MTHFD1L: variants seen among roughly 807,000 people sequenced by gnomAD.
MTHFD1L encodes the protein methylenetetrahydrofolate dehydrogenase (NADP+ dependent) 1 like, also known as monofunctional C1-tetrahydrofolate synthase, mitochondrial.
Under a neutral mutation model 119.5 loss-of-function variants are expected in MTHFD1L, and 81 were observed. The ratio of observed to expected loss-of-function variants is 0.68; its 90% CI spans 0.57 to 0.82. MTHFD1L has a LOEUF of 0.82. Ranked by LOEUF, MTHFD1L falls within the 40% of genes least tolerant of loss-of-function variation. The pLI, the probability that MTHFD1L is intolerant of heterozygous loss-of-function variation, is 0.00. For synonymous variants in MTHFD1L, 430 were observed against 475.2 expected, an observed-to-expected ratio of 0.90 and a Z score of 1.24; for missense variants, 1,125 against 1,253.4, an observed-to-expected ratio of 0.90 and a Z score of 1.55.
At chr6:150,953,459 C>T (rs1402763403) in intron 16 of MTHFD1L, among the ~76,000 whole-genome samples, 2 of 152,208 alleles carry the variant, frequency 1.3e-5, no homozygotes, top group Non-Finnish European at 2.9e-5. Flanking sequence ...GTACAGCTGG[C>T]TCGGGACTAG....
At chr6:150,869,319 C>T (rs375610882) in intron 1 of MTHFD1L, among the ~76,000 whole-genome samples, 12 of 152,204 alleles carry the variant, frequency 7.9e-5, no homozygotes, top group African/African-American at 2.9e-4. Flanking sequence ...AATGCTCTCC[C>T]TCCTCTTGCC....
chr6:150,880,773 C>T (rs1003419588), intron 4 of MTHFD1L, among the ~76,000 whole-genome samples: 5 of 152,124 alleles, frequency 3.3e-5, no homozygotes, highest in Non-Finnish European at 7.4e-5. Flanking sequence ...TTGTTATTGT[C>T]ATTTTTGATA....
In MTHFD1L at chr6:150,865,784, CG is replaced by C; in HGVS notation, c.-38del. 7.8e-7 allele frequency: 1 copy of C among 1,279,582 alleles called. No individual in the cohort carries two copies. Among genetic ancestry groups the C allele is most frequent in the Non-Finnish European group, 9.9e-7 (1 of 1,007,114 alleles). The allele number at this position is 1,279,582 out of a possible 1,614,324, so 79.3% of individuals were successfully genotyped here. On this transcript the variant is annotated 5_prime_UTR_variant, in exon 1 of 28. Transcript: ENST00000367321. The stretch of plus-strand genomic sequence containing the variant: ...CACGCGCCCCGCCGCCCTCGGCAGC[CG>C]CAGCTCCGTGTCCCCTGAGAACCAG...
At chr6:151,023,024 G>T (rs1444548156) in intron 24 of MTHFD1L, among the ~76,000 whole-genome samples, 2 of 146,584 alleles carry the variant, frequency 1.4e-5, no homozygotes, top group Middle Eastern at 3.6e-3. Context: ...TTTTTTGTTT[G>T]TTGGTTGGTT....
chr6:150,898,368 G>A (rs1178414194), intron 7 of MTHFD1L, among the ~76,000 whole-genome samples: 1 of 152,178 alleles, frequency 6.6e-6, no homozygotes, highest in Admixed American at 6.5e-5. Context: ...TCCACTCATG[G>A]TGCTCTCCCC....
At chr6:150,909,478 A>G (rs1233195368) in intron 8 of MTHFD1L, among the ~76,000 whole-genome samples, 1 of 152,080 alleles carries the variant, frequency 6.6e-6, no homozygotes, top group Non-Finnish European at 1.5e-5. Context: ...CCCGGCCTCA[A>G]ATAGTCCTCC....
At chr6:150,872,182 G>A (rs1314804230) in intron 1 of MTHFD1L, among the ~76,000 whole-genome samples, 1 of 151,960 alleles carries the variant, frequency 6.6e-6, no homozygotes, top group Non-Finnish European at 1.5e-5. Flanking sequence ...GGCCTAATAA[G>A]GCTGTTTTCT....
chr6:150,885,127 G>A (rs181659927), intron 5 of MTHFD1L, among the ~76,000 whole-genome samples: 70 of 152,130 alleles, frequency 4.6e-4, no homozygotes, highest in African/African-American at 1.5e-3. Context: ...CTAAGGTACT[G>A]CCTTAGAATT....
At chr6:151,020,044 A>G (rs1193212694) in intron 24 of MTHFD1L, among the ~76,000 whole-genome samples, 1 of 152,230 alleles carries the variant, frequency 6.6e-6, no homozygotes, top group Non-Finnish European at 1.5e-5. Flanking sequence ...AATGCTTTGC[A>G]TATGACACTC....
intron 18 of MTHFD1L, among the ~76,000 whole-genome samples, chr6:150,964,060 T>C (rs1202544138): frequency 6.6e-6 from 1 of 152,118 alleles, no homozygotes; most frequent in Admixed American, 6.6e-5. Context: ...TCCCAGCTAC[T>C]GGGGAGGCTG....
rs57223910 is a variant in MTHFD1L at position 151,083,195 on chromosome 6, A to AT, written c.2848-9259dup. ...CTCCAAATACGAAGAATGAAATGCA[A>AT]TTTTTTTTTTTTTCTTTTTGAGACG... On this transcript the variant is annotated intron_variant, in intron 26 of 27. Coordinates refer to ENST00000367321, the MANE Select transcript of MTHFD1L (RefSeq NM_015440.5). 7.0e-3 allele frequency among the ~76,000 whole-genome samples: 1,040 copies of AT among 149,312 alleles called. 7 individuals are homozygous for AT. The highest frequency in any genetic ancestry group is 0.021 in the African/African-American group (864 of 40,854).
At chr6:150,913,268 C>T (rs1283808725) in intron 8 of MTHFD1L, among the ~76,000 whole-genome samples, 2 of 152,104 alleles carry the variant, frequency 1.3e-5, no homozygotes, top group Admixed American at 6.5e-5. Flanking sequence ...TCACGCCATT[C>T]TCCTGCTTCA....
chr6:151,044,451 G>A (rs1229737423), intron 26 of MTHFD1L, among the ~76,000 whole-genome samples: 1 of 151,796 alleles, frequency 6.6e-6, no homozygotes, highest in Admixed American at 6.6e-5. Flanking sequence ...ACAGGTGGCC[G>A]CCACTACGCC....
At chr6:151,061,790 C>T (rs772115336) in intron 26 of MTHFD1L, among the ~76,000 whole-genome samples, 10 of 152,172 alleles carry the variant, frequency 6.6e-5, no homozygotes, top group Admixed American at 1.3e-4. Flanking sequence ...ACCATAGAGA[C>T]CATCTAGTTC....
intron 26 of MTHFD1L, among the ~76,000 whole-genome samples, chr6:151,086,612 C>T (rs73622476): frequency 0.035 from 5,341 of 152,168 alleles, 306 homozygotes; most frequent in African/African-American, 0.12. Context: ...ACTGTAGCCT[C>T]GACCTCCTGG....
At chr6:151,065,922 A>G (rs1440938520) in intron 26 of MTHFD1L, among the ~76,000 whole-genome samples, 1 of 152,260 alleles carries the variant, frequency 6.6e-6, no homozygotes, top group African/African-American at 2.4e-5. Flanking sequence ...ACACAGGCAA[A>G]GACTACTCTT....
intron 20 of MTHFD1L, among the ~76,000 whole-genome samples, chr6:150,991,741 A>C (rs543643825): frequency 1.3e-5 from 2 of 152,356 alleles, no homozygotes; most frequent in South Asian, 4.1e-4. Context: ...TTTCATCATT[A>C]GATGAAGTCA....
At chr6:150,898,061 C>G (rs1157256905) in intron 7 of MTHFD1L, among the ~76,000 whole-genome samples, 1 of 152,134 alleles carries the variant, frequency 6.6e-6, no homozygotes, top group Admixed American at 6.5e-5. Flanking sequence ...TCAGGCTGGT[C>G]TCGAACTCCT....
intron 26 of MTHFD1L, among the ~76,000 whole-genome samples, chr6:151,063,280 A>T (rs1221611630): frequency 6.6e-6 from 1 of 152,210 alleles, no homozygotes; most frequent in Non-Finnish European, 1.5e-5. Flanking sequence ...GTGTCAAGTA[A>T]AACTTAATGG....
Sources: allele counts gnomAD v4.1 joint callset (sites outside exome capture counted in the v4.1 genomes callset), GRCh38; gene constraint gnomAD v4.1.1; transcripts MANE v1.5; gene names NCBI Gene and HGNC (gene_info 2026-07-23, HGNC 2026-07-21).